MYO5B: variants seen among roughly 807,000 people sequenced by gnomAD.
MYO5B encodes myosin VB.
A neutral mutation model predicts 229.3 loss-of-function variants in MYO5B; 143 were observed. The ratio of observed to expected loss-of-function variants is 0.62; its 90% CI spans 0.54 to 0.72. MYO5B has a LOEUF of 0.72. Ranked by LOEUF, MYO5B falls within the 30% of genes least tolerant of loss-of-function variation. The probability of loss-of-function intolerance (pLI) is 0.00; values close to 1 mark genes in which losing one functional copy is unlikely to be tolerated. For synonymous variants in MYO5B, 918 were observed against 885.2 expected, an observed-to-expected ratio of 1.04 and a Z score of -0.66; for missense variants, 2,321 against 2,331.0, an observed-to-expected ratio of 1.00 and a Z score of 0.09.
chr18:49,910,600 G>A (rs1269483853), intron 18 of MYO5B, among the ~76,000 whole-genome samples: 1 of 152,000 alleles, frequency 6.6e-6, no homozygotes, highest in Non-Finnish European at 1.5e-5. Flanking sequence ...TGGCAAGGTG[G>A]GCTAGTATTT....
At chr18:49,859,995 G>A (rs2024309278) in intron 29 of MYO5B, among the ~76,000 whole-genome samples, 1 of 149,880 alleles carries the variant, frequency 6.7e-6, no homozygotes, top group Non-Finnish European at 1.5e-5. Context: ...GGGGGGCGGC[G>A]GGTGTGAATA....
chr18:49,904,695 A>C lies in MYO5B; in HGVS notation c.2548T>G (p.Phe850Val). ...VVIQAFTRAM[F>V]VRRTYRQVLM... is the part of the protein sequence containing the mutation. The stretch of plus-strand genomic sequence containing the variant: ...ACCTGGCGGTAGGTTCTCCGCACAA[A>C]CATGGCCCGGGTGAAGGCCTGGATA... The change falls in exon 20 of 40, where the codon TTT (phenylalanine) becomes GTT (valine). Residue 850 changes from phenylalanine (F) to valine (V), a missense_variant. Physicochemically the swap from Phe to Val is conservative, Grantham distance 50. Around this residue, in one of 2 missense-constraint regions of MYO5B, gnomAD observed 2,113 missense variants for 2,044.7 expected, o/e 1.03. Transcript: ENST00000285039. 3 of 1,613,980 alleles carry C rather than the reference A, an allele frequency of 1.9e-6. No individual in the cohort carries two copies. Among genetic ancestry groups the C allele is most frequent in the Non-Finnish European group, 2.5e-6 (3 of 1,180,028 alleles).
At position 49,970,216 on chromosome 18, in the gene MYO5B, G is replaced by A. The variant is rs143595688; in HGVS notation, c.1322+4134C>T. On this transcript the variant is annotated intron_variant, in intron 10 of 39. Coordinates refer to ENST00000285039, the MANE Select transcript of MYO5B (RefSeq NM_001080467.3). ...CCCTATTAATTTCCATACCCTGCCT[G>A]GTCAAAAATACCCTGAAGGCGACTT... 1.1e-4 allele frequency among the ~76,000 whole-genome samples: 16 copies of A among 152,252 alleles called. No homozygotes were observed. In the East Asian group the frequency reaches 2.3e-3, roughly 22 times the overall value.
At chr18:50,075,094 C>T (rs1371505024) in intron 1 of MYO5B, among the ~76,000 whole-genome samples, 1 of 152,158 alleles carries the variant, frequency 6.6e-6, no homozygotes, top group Non-Finnish European at 1.5e-5. Context: ...CCATGCCTGG[C>T]CTGGAGACCT....
chr18:49,890,921 T>C (rs1032496046), intron 22 of MYO5B, among the ~76,000 whole-genome samples: 4 of 152,208 alleles, frequency 2.6e-5, no homozygotes, highest in Non-Finnish European at 5.9e-5. Flanking sequence ...TAAGACAACT[T>C]TGAAACAATG....
intron 21 of MYO5B, 83 bp from the exon 22 acceptor site, chr18:49,895,257 G>C: frequency 8.2e-7 from 1 of 1,222,414 alleles, no homozygotes; most frequent in Non-Finnish European, 1.2e-6. Flanking sequence ...AAGCATGAAG[G>C]CAATCAAAAA....
In MYO5B at chr18:49,928,981, G is replaced by A. The variant is rs1034841957; in HGVS notation, c.2090+531C>T. Among the ~76,000 whole-genome samples the A allele has an allele frequency of 2.6e-5, 4 of 152,242 alleles. No individual in the cohort carries two copies. In the East Asian group the frequency reaches 7.7e-4, roughly 29 times the overall value. ...AGGACTTGGGGGAAAGGGGGGTGATGGTGAGGGATAAAAGACTATACATTA... is the reference window on the plus strand; with the variant it reads ...AGGACTTGGGGGAAAGGGGGGTGATAGTGAGGGATAAAAGACTATACATTA... On this transcript the variant is annotated intron_variant, in intron 17 of 39. Transcript: ENST00000285039.
intron 28 of MYO5B, 78 bp from the exon 29 acceptor site, chr18:49,863,405 A>G (rs2024355213): frequency 4.8e-6 from 6 of 1,255,816 alleles, no homozygotes; most frequent in Non-Finnish European, 7.0e-6. Flanking sequence ...CAGGTATAAA[A>G]ACATGCCTTT....
chr18:50,092,232 A>G (rs576376361), intron 1 of MYO5B, among the ~76,000 whole-genome samples: 1 of 152,236 alleles, frequency 6.6e-6, no homozygotes, highest in Non-Finnish European at 1.5e-5. Flanking sequence ...TAGAAGAGAA[A>G]AATGATAAGC....
intron 22 of MYO5B, among the ~76,000 whole-genome samples, chr18:49,881,755 A>G (rs2024588527): frequency 6.6e-6 from 1 of 151,358 alleles, no homozygotes; most frequent in Non-Finnish European, 1.5e-5. Context: ...GTGAGCCGAG[A>G]TCGCGCCACT....
chr18:50,080,547 G>A (rs1599005747), intron 1 of MYO5B, among the ~76,000 whole-genome samples: 2 of 152,274 alleles, frequency 1.3e-5, no homozygotes, highest in East Asian at 1.9e-4. Context: ...TCACAGTTTG[G>A]CAAGAGGCCA....
intron 14 of MYO5B, 131 bp downstream of exon 14, chr18:49,953,129 C>A: frequency 1.2e-6 from 1 of 801,224 alleles, no homozygotes; most frequent in East Asian, 2.5e-5. Flanking sequence ...CCGAAATGAC[C>A]AACAAACCCG....
At chr18:50,053,738 A>G (rs2030466927) in intron 2 of MYO5B, among the ~76,000 whole-genome samples, 1 of 152,192 alleles carries the variant, frequency 6.6e-6, no homozygotes. Context: ...GTTGATACAA[A>G]ACAGAAGTTA....
At chr18:49,844,506 C>T (rs2024101384) in intron 33 of MYO5B, among the ~76,000 whole-genome samples, 1 of 152,210 alleles carries the variant, frequency 6.6e-6, no homozygotes, top group East Asian at 1.9e-4. Flanking sequence ...AACCTTCTAC[C>T]AGGCTGGTCC....
chr18:49,938,071 A>C (rs985744615), intron 14 of MYO5B, among the ~76,000 whole-genome samples: 16 of 152,186 alleles, frequency 1.1e-4, no homozygotes, highest in African/African-American at 3.1e-4. Context: ...CTTCACCTGC[A>C]AAGATGCGCA....
chr18:50,074,690 A>G (rs1187215081), intron 1 of MYO5B, among the ~76,000 whole-genome samples: 2 of 152,306 alleles, frequency 1.3e-5, no homozygotes, highest in African/African-American at 4.8e-5. Flanking sequence ...ATGTAAAAAC[A>G]GGTCTGTTAA....
rs2025804816 is a variant in MYO5B at position 49,980,685 on chromosome 18, G to C, written c.947-132C>G. The C allele has an allele frequency of 1.1e-5, 8 of 697,962 alleles. 1 individual carries two copies. Among genetic ancestry groups the C allele is most frequent in the Admixed American group, 4.2e-5 (2 of 47,680 alleles). 43.2% of individuals were successfully genotyped at this position (697,962 alleles called of 1,614,324 possible). On this transcript the variant is annotated intron_variant, in intron 8 of 39. Transcript: ENST00000285039. ...TTTCTGACCCGATGACTCCTAAAAT[G>C]ATCCAGGCTCCTCACCAAGTAATTA... is the stretch of plus-strand genomic sequence containing the variant.
At position 49,906,930 on chromosome 18, in the gene MYO5B, G is replaced by A. The variant is rs968489286; in HGVS notation, c.2203-300C>T. 3.3e-5 allele frequency among the ~76,000 whole-genome samples: 5 copies of A among 152,194 alleles called. No individual in the cohort carries two copies. In the South Asian group the frequency reaches 1.0e-3, roughly 32 times the overall value. ...TTCAGAGAATGGTGAGGATTATGAAGAAAACAAACTGGTGGCTGGTGAGCG... is the reference window on the plus strand; with the variant it reads ...TTCAGAGAATGGTGAGGATTATGAAAAAAACAAACTGGTGGCTGGTGAGCG... On this transcript the variant is annotated intron_variant, in intron 18 of 39. Coordinates refer to ENST00000285039, the MANE Select transcript of MYO5B (RefSeq NM_001080467.3).
intron 1 of MYO5B, among the ~76,000 whole-genome samples, chr18:50,080,991 A>C (rs2031206937): frequency 6.6e-6 from 1 of 152,168 alleles, no homozygotes; most frequent in African/African-American, 2.4e-5. Context: ...TATGACTAGG[A>C]GGTGGAATCT....
Sources: gnomAD v4.1 joint callset for allele counts (sites outside exome capture counted in the v4.1 genomes callset) on GRCh38, gnomAD v4.1.1 for gene constraint, gnomAD v4.1.1 regional missense constraint, MANE v1.5 for transcripts, NCBI Gene and HGNC (gene_info 2026-07-23, HGNC 2026-07-21) for gene names.